The following TIAM1 variants were observed in gnomAD, a reference collection of about 807,000 sequenced individuals.
TIAM1 encodes the protein TIAM Rac1 associated GEF 1.
A neutral mutation model predicts 163.5 loss-of-function variants in TIAM1; 65 were observed. That is an observed-to-expected ratio of 0.40 (90% CI 0.33 to 0.49). The LOEUF is 0.49. TIAM1 is among the 20% of genes least tolerant of loss of function. The pLI is 0.77. For synonymous variants in TIAM1, 833 were observed against 810.1 expected, an observed-to-expected ratio of 1.03 and a Z score of -0.48; for missense variants, 1,789 against 2,044.7, an observed-to-expected ratio of 0.87 and a Z score of 2.41.
At chr21:31,541,792 T>A (rs1006676289) in intron 1 of TIAM1, among the ~76,000 whole-genome samples, 3 of 152,194 alleles carry the variant, frequency 2.0e-5, no homozygotes, top group African/African-American at 7.2e-5. Flanking sequence ...CAGAAGAATG[T>A]CTCCTTTTAA....
Position 31,165,054 on chromosome 21 carries a change from A to G in TIAM1, c.2899T>C (p.Cys967Arg). The G allele has an allele frequency of 6.2e-7, 1 of 1,613,998 alleles. No homozygotes were observed. The highest frequency in any genetic ancestry group is 8.5e-7 in the Non-Finnish European group (1 of 1,180,040). Residue 967 changes from cysteine (C) to arginine (R), a missense_variant, in exon 16 of 28, where the codon TGC (cysteine) becomes CGC (arginine). Transcript: ENST00000541036. The stretch of plus-strand genomic sequence containing the variant: ...TCAGCACTGCTGCCCTGCTCGCTGC[A>G]AAGGCTGTGCCCTGTCAGATGAAAT... ...FLTSNPGHSL[C>R]SEQGSSAETA...
chr21:31,315,920 T>C (rs1231980804), intron 2 of TIAM1, among the ~76,000 whole-genome samples: 1 of 152,130 alleles, frequency 6.6e-6, no homozygotes, highest in Non-Finnish European at 1.5e-5. Flanking sequence ...GACGTTGCAG[T>C]GAGCCGAGAT....
intron 2 of TIAM1, among the ~76,000 whole-genome samples, chr21:31,394,708 G>GCTCTCT (rs954246497): frequency 0.014 from 1,440 of 104,796 alleles, 25 homozygotes; most frequent in African/African-American, 0.03. Context: ...TCTCTCTCTC[G>GCTCTCT]CTCTCTCTCT....
At chr21:31,211,949 G>T (rs1452477709) in intron 10 of TIAM1, among the ~76,000 whole-genome samples, 1 of 152,222 alleles carries the variant, frequency 6.6e-6, no homozygotes, top group Non-Finnish European at 1.5e-5. Flanking sequence ...GTGGTCTAGA[G>T]AAGATATCTC....
At chr21:31,303,046 C>T (rs1338583110) in intron 2 of TIAM1, among the ~76,000 whole-genome samples, 5 of 152,098 alleles carry the variant, frequency 3.3e-5, no homozygotes, top group South Asian at 2.1e-4. Context: ...ATCACTAAAA[C>T]GAACAAGATA....
chr21:31,345,933 G>A (rs1035033884), upstream of TIAM1, among the ~76,000 whole-genome samples: 2 of 152,286 alleles, frequency 1.3e-5, no homozygotes, highest in East Asian at 1.9e-4. Context: ...CCTGGGTGAC[G>A]GAGTGAGACT....
intron 26 of TIAM1, 43 bp from the exon 27 acceptor site, chr21:31,124,737 A>G: frequency 6.7e-7 from 1 of 1,489,322 alleles, no homozygotes; most frequent in Non-Finnish European, 9.0e-7. Context: ...TCAGGGCTTA[A>G]CACATGGGGA....
At chr21:31,230,776 C>T (rs551751510) in intron 6 of TIAM1, among the ~76,000 whole-genome samples, 4 of 152,216 alleles carry the variant, frequency 2.6e-5, no homozygotes, top group Middle Eastern at 3.4e-3. Context: ...TCAAGTGATC[C>T]GCCAGCCTCA....
chr21:31,458,275 T>C (rs2045187701), intron 2 of TIAM1, among the ~76,000 whole-genome samples: 2 of 151,834 alleles, frequency 1.3e-5, no homozygotes, highest in Admixed American at 6.6e-5. Flanking sequence ...AAAAATTAGC[T>C]GGGCATAGGG....
In TIAM1 at chr21:31,290,646, CAAAAAAAA is replaced by C. The variant is rs200030849; in HGVS notation, c.-188-13746_-188-13739del. On this transcript the variant is annotated intron_variant, in intron 2 of 27. Coordinates refer to ENST00000541036, the MANE Select transcript of TIAM1 (RefSeq NM_001353694.2). Reference sequence around the variant, plus strand: ...CCGGTAACAGAGCAAGACTCTATCTCAAAAAAAAAAAAAAAAAAAAAAAAAAAAAAAAT... The same window carrying C: ...CCGGTAACAGAGCAAGACTCTATCTCAAAAAAAAAAAAAAAAAAAAAAAAT... Among the ~76,000 whole-genome samples the C allele has an allele frequency of 6.5e-4, 41 of 63,200 alleles. 1 individual carries two copies. The East Asian group carries it at 0.011, about 17-fold the overall frequency. The allele number at this position is 63,200 out of a possible 152,430, so 41.5% of individuals were successfully genotyped here.
chr21:31,380,002 C>T (rs1221012066), intron 2 of TIAM1, among the ~76,000 whole-genome samples: 1 of 152,138 alleles, frequency 6.6e-6, no homozygotes, highest in African/African-American at 2.4e-5. Flanking sequence ...TTGGTTCATG[C>T]CTGTAATCCC....
intron 15 of TIAM1, among the ~76,000 whole-genome samples, chr21:31,175,788 G>A (rs1178402620): frequency 1.3e-5 from 2 of 152,050 alleles, no homozygotes; most frequent in African/African-American, 2.4e-5. Context: ...TAGTAGAGAC[G>A]GGGTTCCACC....
At chr21:31,388,212 AACACAC>A (rs11369323) in intron 2 of TIAM1, among the ~76,000 whole-genome samples, 1,319 of 115,928 alleles carry the variant, frequency 0.011, 22 homozygotes, top group African/African-American at 0.04. Flanking sequence ...AGAAGACCCT[AACACAC>A]ACACACACAC....
chr21:31,220,079 G>C (rs2087472092), intron 8 of TIAM1, among the ~76,000 whole-genome samples: 1 of 152,166 alleles, frequency 6.6e-6, no homozygotes. Flanking sequence ...CAGTCATATA[G>C]TCATTTTATA....
At chr21:31,391,239 T>C (rs1209088768) in intron 2 of TIAM1, among the ~76,000 whole-genome samples, 2 of 152,152 alleles carry the variant, frequency 1.3e-5, no homozygotes, top group Non-Finnish European at 2.9e-5. Flanking sequence ...GGAAAGGTCA[T>C]GGCTGGGGCT....
intron 1 of TIAM1, among the ~76,000 whole-genome samples, chr21:31,488,969 A>G (rs1306111913): frequency 1.3e-5 from 2 of 151,108 alleles, no homozygotes; most frequent in African/African-American, 4.9e-5. Flanking sequence ...GCCTTCCTGT[A>G]TTGTATTCTC....
chr21:31,352,804 G>A (rs2076256396), intron 2 of TIAM1, among the ~76,000 whole-genome samples: 1 of 151,890 alleles, frequency 6.6e-6, no homozygotes, highest in Non-Finnish European at 1.5e-5. Context: ...GAACCTGGGA[G>A]GCGAAGGTTG....
intron 1 of TIAM1, among the ~76,000 whole-genome samples, chr21:31,518,685 G>C (rs1327933278): frequency 5.9e-5 from 9 of 152,142 alleles, no homozygotes; most frequent in Non-Finnish European, 1.2e-4. Flanking sequence ...AGGCGAGCCA[G>C]TATCACCCCC....
intron 1 of TIAM1, among the ~76,000 whole-genome samples, chr21:31,496,059 C>T (rs1287066631): frequency 6.6e-6 from 1 of 152,108 alleles, no homozygotes; most frequent in African/African-American, 2.4e-5. Context: ...AACAGTGATA[C>T]TGCTGGCCTG....
Sources: allele counts gnomAD v4.1 joint callset (sites outside exome capture counted in the v4.1 genomes callset), GRCh38; gene constraint gnomAD v4.1.1; transcripts MANE v1.5; gene names NCBI Gene and HGNC (gene_info 2026-07-23, HGNC 2026-07-21).